The following SAMD5 variants were observed in gnomAD, a reference collection of about 807,000 sequenced individuals.
SAMD5 encodes the protein sterile alpha motif domain containing 5, also known as sterile alpha motif domain-containing protein 5.
A neutral mutation model predicts 11.3 loss-of-function variants in SAMD5; 13 were observed. That is an observed-to-expected ratio of 1.15 (90% CI 0.75 to 1.83). The LOEUF is 1.83. Ranked by LOEUF, SAMD5 falls within the 40% of genes most tolerant of loss-of-function variation. The probability of loss-of-function intolerance (pLI) is 0.00; values close to 1 mark genes in which losing one functional copy is unlikely to be tolerated. For synonymous variants in SAMD5, 129 were observed against 111.3 expected (o/e 1.16, Z -1.00); for missense variants, 255 against 239.1 (o/e 1.07, Z -0.44).
the SAMD5 span, among the ~76,000 whole-genome samples, chr6:147,916,185 C>T: frequency 2.7e-3 from 418 of 152,166 alleles, 8 homozygotes; most frequent in South Asian, 0.014. Context: ...CAAGTCTTTG[C>T]TATTGTGAAT....
chr6:147,798,504 G>A, the SAMD5 span, among the ~76,000 whole-genome samples: 1 of 150,254 alleles, frequency 6.7e-6, no homozygotes, highest in South Asian at 2.1e-4. Flanking sequence ...GGTCAATTTT[G>A]GAATAGGTGT....
the SAMD5 span, among the ~76,000 whole-genome samples, chr6:147,909,618 TTCTTTCTTTCTTTC>T: frequency 0.045 from 3,445 of 76,420 alleles, 267 homozygotes; most frequent in East Asian, 0.12. Context: ...CTTTCTTTCT[TTCTTTCTTTCTTTC>T]TCTTTCTTGT....
the SAMD5 span, among the ~76,000 whole-genome samples, chr6:147,839,511 G>C: frequency 6.6e-6 from 1 of 152,152 alleles, no homozygotes; most frequent in Non-Finnish European, 1.5e-5. Flanking sequence ...CATTTTGGGG[G>C]GGCTGAGGCA....
chr6:147,900,565 C>T, the SAMD5 span, among the ~76,000 whole-genome samples: 1 of 152,268 alleles, frequency 6.6e-6, no homozygotes. Context: ...TGTGCTTGGT[C>T]GGCAGCTCAC....
At position 147,534,272 on chromosome 6, in the gene SAMD5, C is replaced by T. The variant is rs1053033347; in HGVS notation, c.459+24885C>T. 2.6e-5 allele frequency among the ~76,000 whole-genome samples: 4 copies of T among 152,162 alleles called. No homozygotes were observed. In the East Asian group the frequency reaches 5.8e-4, roughly 22 times the overall value. On this transcript the variant is annotated intron_variant, in intron 1 of 1. Coordinates refer to ENST00000367474, the MANE Select transcript of SAMD5 (RefSeq NM_001030060.3). ...GCACTTGTAGAGACATGATGAGTCACGGGCGAAAGGACTGTGTTCTTTTTT... is the reference window on the plus strand; with the variant it reads ...GCACTTGTAGAGACATGATGAGTCATGGGCGAAAGGACTGTGTTCTTTTTT...
At chr6:147,805,847 G>A in the SAMD5 span, among the ~76,000 whole-genome samples, 27 of 152,202 alleles carry the variant, frequency 1.8e-4, no homozygotes, top group Non-Finnish European at 3.2e-4. Flanking sequence ...GAGATTGAAC[G>A]GCTTCATCAA....
At chr6:147,624,471 G>A (rs765466756) in intron 1 of SAMD5, among the ~76,000 whole-genome samples, 5 of 152,226 alleles carry the variant, frequency 3.3e-5, no homozygotes, top group Non-Finnish European at 5.9e-5. Flanking sequence ...ACTTATGAGT[G>A]AGAACATGTG....
At chr6:147,612,068 G>A (rs556167221) in intron 1 of SAMD5, among the ~76,000 whole-genome samples, 5 of 152,148 alleles carry the variant, frequency 3.3e-5, no homozygotes, top group South Asian at 4.2e-4. Flanking sequence ...ATCTATCATC[G>A]TGTGTCTCAA....
chr6:147,917,511 T>C, the SAMD5 span, among the ~76,000 whole-genome samples: 44 of 152,280 alleles, frequency 2.9e-4, no homozygotes, highest in African/African-American at 9.9e-4. Flanking sequence ...GTAGGTTGCC[T>C]GTTCACTCTG....
chr6:147,539,493 G>A (rs1438676940), intron 1 of SAMD5, among the ~76,000 whole-genome samples: 1 of 152,060 alleles, frequency 6.6e-6, no homozygotes, highest in Non-Finnish European at 1.5e-5. Context: ...ACTCAAAACC[G>A]TCAGATATCA....
the SAMD5 span, among the ~76,000 whole-genome samples, chr6:147,918,292 T>C: frequency 1.9e-3 from 292 of 152,288 alleles, 1 homozygote; most frequent in African/African-American, 6.5e-3. Flanking sequence ...CCTTGTAAGC[T>C]GGATTCCTAG....
intron 1 of SAMD5, among the ~76,000 whole-genome samples, chr6:147,734,709 TCTAAAAA>T: frequency 9.1e-5 from 1 of 11,028 alleles, no homozygotes; most frequent in African/African-American, 2.3e-4. Context: ...CGAGACTCCA[TCTAAAAA>T]AAAAAAAAAA....
the SAMD5 span, among the ~76,000 whole-genome samples, chr6:147,759,947 A>G: frequency 6.6e-6 from 1 of 152,222 alleles, no homozygotes; most frequent in Non-Finnish European, 1.5e-5. Context: ...TGAAAATTCC[A>G]TATCTACACT....
At chr6:147,736,011 G>A (rs1449403913) in intron 1 of SAMD5, among the ~76,000 whole-genome samples, 1 of 152,070 alleles carries the variant, frequency 6.6e-6, no homozygotes, top group Admixed American at 6.6e-5. Context: ...GGGTAGCTGT[G>A]AGGATTCATG....
rs74301737 is a variant in SAMD5, at chr6:147,529,846, G to A, written c.459+20459G>A. Among the ~76,000 whole-genome samples the A allele has an allele frequency of 4.0e-3, 608 of 152,174 alleles. 16 individuals carry two copies. In the East Asian group the frequency reaches 0.082, roughly 21 times the overall value. On this transcript the variant is annotated intron_variant, in intron 1 of 1. Transcript: ENST00000367474. ...TACTATAAGACTGTTTTTGAATATT[G>A]TCATTAAAACAGTTATTTCAGGATT...
the SAMD5 span, among the ~76,000 whole-genome samples, chr6:147,815,878 G>T: frequency 3.3e-5 from 5 of 152,146 alleles, no homozygotes; most frequent in East Asian, 9.7e-4. Flanking sequence ...TGAAATAGAT[G>T]ATTCCAAAAA....
chr6:147,824,438 A>G, the SAMD5 span, among the ~76,000 whole-genome samples: 1 of 152,214 alleles, frequency 6.6e-6, no homozygotes, highest in South Asian at 2.1e-4. Flanking sequence ...AAATAACACA[A>G]AACAAGTAAA....
the SAMD5 span, among the ~76,000 whole-genome samples, chr6:147,778,694 G>GC: frequency 6.6e-6 from 1 of 152,114 alleles, no homozygotes; most frequent in Non-Finnish European, 1.5e-5. Context: ...AAGTTAAACA[G>GC]CCCCTGCTCC....
rs956465705 is a variant in SAMD5, at chr6:147,564,967, A to G, written c.*511A>G. 63 of 819,164 alleles carry G rather than the reference A, an allele frequency of 7.7e-5. No homozygotes were observed. In the African/African-American group the frequency reaches 1.2e-3, roughly 15 times the overall value. The allele number at this position is 819,164 out of a possible 1,614,324, so 50.7% of individuals were successfully genotyped here. A position where few individuals can be genotyped will look rare whatever the true frequency, so the allele number is the denominator to read the frequency against. ...CATGTTTTTATAAGATAAGATACAT[A>G]ATTCTATGTAGAATAGTTTGGTGAA... On this transcript the variant is annotated 3_prime_UTR_variant, in exon 2 of 2. Transcript: ENST00000367474.
Sources: gnomAD v4.1 joint callset for allele counts (sites outside exome capture counted in the v4.1 genomes callset) on GRCh38, gnomAD v4.1.1 for gene constraint, MANE v1.5 for transcripts, NCBI Gene and HGNC (gene_info 2026-07-23, HGNC 2026-07-21) for gene names.